DHX58: variants seen among roughly 807,000 people sequenced by gnomAD.
The protein encoded by DHX58 is DExH-box helicase 58, also known as ATP-dependent RNA helicase DHX58.
A neutral mutation model predicts 65.0 loss-of-function variants in DHX58; 51 were observed. That is an observed-to-expected ratio of 0.78 (90% confidence interval 0.63 to 0.99). DHX58 has a LOEUF of 0.99. Ranked by LOEUF, DHX58 falls within the 50% of genes least tolerant of loss-of-function variation. The probability of loss-of-function intolerance (pLI) is 0.00; values close to 1 mark genes in which losing one functional copy is unlikely to be tolerated. For missense variants in DHX58, 773 were observed against 891.8 expected (o/e 0.87, Z 1.70); for synonymous variants, 350 against 365.0 (o/e 0.96, Z 0.47).
In DHX58 at chr17:42,109,290, G is replaced by C; in HGVS notation, c.658C>G (p.Leu220Val). The change falls in exon 6 of 14, where the codon CTC (leucine) becomes GTC (valine). Residue 220 changes from leucine (L) to valine (V), a missense_variant. By Grantham distance (32) the Leu-to-Val change is conservative. Coordinates refer to ENST00000251642, the MANE Select transcript of DHX58 (RefSeq NM_024119.3). ...CGTACCTGGCTGCGCCTGTGGCAGA[G>C]GTTGTACTGTTTGCAAGGCTGTTGG... The part of the protein sequence containing the change: ...HSQQPCKQYN[L>V]CHRRSQDPFG... 6.2e-7 allele frequency: 1 copy of C among 1,613,412 alleles called. No homozygotes were observed. The highest frequency in any genetic ancestry group is 1.3e-5 in the African/African-American group (1 of 75,066).
Position 42,109,499 on chromosome 17 carries a change from C to T in DHX58, c.562-113G>A, listed in dbSNP as rs1031839407. ...ACAGGAGAATGTGGGCATTCGTCTA[C>T]TCAAATATTGCTCGCCCTCTCTGTG... On this transcript the variant is annotated intron_variant, in intron 5 of 13. Coordinates refer to ENST00000251642, the MANE Select transcript of DHX58 (RefSeq NM_024119.3). The T allele has an allele frequency of 1.2e-5, 10 of 833,718 alleles. No homozygotes were observed. In the Admixed American group the frequency reaches 1.5e-4, roughly 12 times the overall value. The allele number at this position is 833,718 out of a possible 1,614,324, so 51.6% of individuals were successfully genotyped here.
chr17:42,111,950 C>T, intron 2 of DHX58, 57 bp from the exon 3 acceptor site: 1 of 1,561,174 alleles, frequency 6.4e-7, no homozygotes, highest in Non-Finnish European at 8.7e-7. Flanking sequence ...CAACTCCTGG[C>T]CAGACCAGTC....
chr17:42,105,826 G>C lies in DHX58; in HGVS notation c.1161C>G (p.Leu387=), dbSNP rs1555662524. 1 of 1,613,908 alleles carries C rather than the reference G, an allele frequency of 6.2e-7. No homozygotes were observed. The highest frequency in any genetic ancestry group is 8.5e-7 in the Non-Finnish European group (1 of 1,179,924). ...RQSAHSLLLW[L]QQQQGLQTVD... ...CAGTCTGCAGGCCCTGCTGCTGCTG[G>C]AGCCAGAGCAGGAGGGAGTGTGCGC... Residue 387 remains leucine, a synonymous_variant, in exon 9 of 14, where the codon CTC becomes CTG. Coordinates refer to ENST00000251642, the MANE Select transcript of DHX58 (RefSeq NM_024119.3).
Position 42,108,735 on chromosome 17 carries a change from C to T in DHX58, c.678+535G>A, listed in dbSNP as rs754818229. Among the ~76,000 whole-genome samples, 11 of 152,050 alleles carry T rather than the reference C, an allele frequency of 7.2e-5. No homozygotes were observed. The East Asian group carries it at 7.7e-4, about 11-fold the overall frequency. ...GTGGGGGCAGCAGGAGCCACAGGGCCGGAGCAGACAGCCCAGATAAAGGTG... is the reference window on the plus strand; with the variant it reads ...GTGGGGGCAGCAGGAGCCACAGGGCTGGAGCAGACAGCCCAGATAAAGGTG... On this transcript the variant is annotated intron_variant, in intron 6 of 13. Coordinates refer to ENST00000251642, the MANE Select transcript of DHX58 (RefSeq NM_024119.3).
chr17:42,103,792 C>T lies in DHX58; in HGVS notation c.1570G>A (p.Asp524Asn), dbSNP rs1555662023. 1.2e-6 allele frequency: 2 copies of T among 1,605,300 alleles called. No homozygotes were observed. Among genetic ancestry groups the T allele is most frequent in the South Asian group, 2.2e-5 (2 of 90,982 alleles). The change falls in exon 12 of 14, where the codon GAT becomes AAT. Residue 524 changes from aspartate to asparagine, a missense_variant. Coordinates refer to ENST00000251642, the MANE Select transcript of DHX58 (RefSeq NM_024119.3). ...DQAEYQAKIR[D>N]LQQAALTKRA... Reference sequence around the variant, plus strand: ...TTGGTCAAGGCTGCCTGCTGCAGATCCCGGATCTGGGGTGGGAGGAGACAC... The same window carrying T: ...TTGGTCAAGGCTGCCTGCTGCAGATTCCGGATCTGGGGTGGGAGGAGACAC...
chr17:42,103,508 C>G lies in DHX58; in HGVS notation c.1754+100G>C, dbSNP rs782548173. 9.8e-6 allele frequency: 14 copies of G among 1,422,482 alleles called. No individual in the cohort carries two copies. In the African/African-American group the frequency reaches 2.0e-4, roughly 20 times the overall value. 88.1% of individuals were successfully genotyped at this position (1,422,482 alleles called of 1,614,324 possible). A position where few individuals can be genotyped will look rare whatever the true frequency, so the allele number is the denominator to read the frequency against. On this transcript the variant is annotated intron_variant, in intron 12 of 13. Coordinates refer to ENST00000251642, the MANE Select transcript of DHX58 (RefSeq NM_024119.3). Reference sequence around the variant, plus strand: ...CAGATTATTGTGAAAATGCAAAGTACTTGCTACAATGCTCTTTAGCTTCCC... The same window carrying G: ...CAGATTATTGTGAAAATGCAAAGTAGTTGCTACAATGCTCTTTAGCTTCCC...
chr17:42,107,361 G>A (rs1431911617), intron 8 of DHX58, among the ~76,000 whole-genome samples: 3 of 118,494 alleles, frequency 2.5e-5, no homozygotes, highest in Admixed American at 7.4e-5. Context: ...GCAAGACCCC[G>A]ACTATTAAAA....
At position 42,107,606 on chromosome 17, in the gene DHX58, T is replaced by C. The variant is rs1555662994; in HGVS notation, c.995A>G (p.Asp332Gly). The C allele has an allele frequency of 2.5e-6, 2 of 793,870 alleles. No individual in the cohort carries two copies. The highest frequency in any genetic ancestry group is 1.8e-5 in the African/African-American group (1 of 55,150). The allele number at this position is 793,870 out of a possible 1,614,324, so 49.2% of individuals were successfully genotyped here. A position where few individuals can be genotyped will look rare whatever the true frequency, so the allele number is the denominator to read the frequency against. Reference protein sequence around the residue: ...CAERRLLALFDDRKNELAHLA... With the variant: ...CAERRLLALFGDRKNELAHLA... The stretch of plus-strand genomic sequence containing the variant: ...CGAAGCCCCCTCCCGCCCCTCACCA[T>C]CGAACAGGGCCAGCAGCCGGCGCTC... The change falls in exon 8 of 14, where the codon GAT (aspartate) becomes GGT (glycine). Residue 332 changes from aspartate (D) to glycine (G), a missense_variant and splice_region_variant. Physicochemically the swap from Asp to Gly is moderately conservative, Grantham distance 94 (BLOSUM62 -1). Coordinates refer to ENST00000251642, the MANE Select transcript of DHX58 (RefSeq NM_024119.3).
intron 8 of DHX58, among the ~76,000 whole-genome samples, chr17:42,107,033 T>A (rs1051314510): frequency 1.3e-5 from 2 of 151,962 alleles, no homozygotes; most frequent in Non-Finnish European, 2.9e-5. Context: ...AGCTTCACTC[T>A]CTCAGTCTAA....
chr17:42,104,060 C>T (rs1177351697), intron 11 of DHX58, among the ~76,000 whole-genome samples: 1 of 152,074 alleles, frequency 6.6e-6, no homozygotes, highest in Non-Finnish European at 1.5e-5. Flanking sequence ...CCCATCTCTA[C>T]TGAAAATACA....
intron 4 of DHX58, 49 bp from the exon 5 acceptor site, chr17:42,110,962 C>T (rs896443827): frequency 1.7e-5 from 26 of 1,526,540 alleles, no homozygotes; most frequent in Non-Finnish European, 2.3e-5. Flanking sequence ...AAAGCCCTTC[C>T]TCCCATCAGC....
In DHX58 at chr17:42,111,569, C is replaced by T. The variant is rs112101539; in HGVS notation, c.169-72G>A. On this transcript the variant is annotated intron_variant, in intron 3 of 13. Transcript: ENST00000251642. Reference sequence around the variant, plus strand: ...AGGGGTAGGGAGGCGGTAAGGTGACCCGCAGGACATGGCTGGGTACTGAGC... The same window carrying T: ...AGGGGTAGGGAGGCGGTAAGGTGACTCGCAGGACATGGCTGGGTACTGAGC... 1,515 of 1,596,508 alleles carry T rather than the reference C, an allele frequency of 9.5e-4. 7 individuals are homozygous for T. Among genetic ancestry groups the T allele is most frequent in the African/African-American group, 8.1e-3 (603 of 74,866 alleles).
Position 42,108,035 on chromosome 17 carries a change from C to T in DHX58, c.752G>A (p.Arg251Gln), listed in dbSNP as rs1555663196. The T allele has an allele frequency of 1.9e-6, 3 of 1,614,238 alleles. No homozygotes were observed. The highest frequency in any genetic ancestry group is 1.7e-5 in the Admixed American group (1 of 60,032). The change falls in exon 7 of 14, where the codon CGG (arginine) becomes CAG (glutamine). Residue 251 changes from arginine (R) to glutamine (Q), a missense_variant. Coordinates refer to ENST00000251642, the MANE Select transcript of DHX58 (RefSeq NM_024119.3). The stretch of plus-strand genomic sequence containing the variant: ...CTCATACATTTGCGTCCCAAATTTC[C>T]GGCTCAACTCAGGCATCTCCAGGTG... ...HDHLEMPELS[R>Q]KFGTQMYEQQ...
intron 11 of DHX58, among the ~76,000 whole-genome samples, chr17:42,104,049 C>A (rs573521383): frequency 6.6e-6 from 1 of 152,236 alleles, no homozygotes; most frequent in African/African-American, 2.4e-5. Context: ...CATGGTGAAA[C>A]CCCATCTCTA....
Position 42,108,684 on chromosome 17 carries a change from G to C in DHX58, c.679-576C>G, listed in dbSNP as rs536056262. ...TGCTGACCCTGACAGAGCTGGCCTT[G>C]CCGGCCAGGGAGAGCAGCTGCAGGC... is the stretch of plus-strand genomic sequence containing the variant. On this transcript the variant is annotated intron_variant, in intron 6 of 13. Coordinates refer to ENST00000251642, the MANE Select transcript of DHX58 (RefSeq NM_024119.3). 1.1e-4 allele frequency among the ~76,000 whole-genome samples: 16 copies of C among 152,366 alleles called. No homozygotes were observed. In the East Asian group the frequency reaches 2.9e-3, roughly 28 times the overall value.
At chr17:42,108,247 G>T in intron 6 of DHX58, 139 bp from the exon 7 acceptor site, 2 of 1,349,830 alleles carry the variant, frequency 1.5e-6, no homozygotes. Context: ...CCAGAGGGAG[G>T]CCGGCTAGGG....
In DHX58 at chr17:42,103,608, G is replaced by A. The variant is rs782671059; in HGVS notation, c.1754C>T (p.Ser585Leu). ...THHVNVNPNF[S>L]NYYNVSRDPV... is the part of the protein sequence containing the mutation. ...CAGTAGCCCCTTCCACAGGTCTCAC[G>A]AGAAGTTGGGGTTCACATTGACATG... is the stretch of plus-strand genomic sequence containing the variant. Residue 585 changes from serine (S) to leucine (L), a missense_variant and splice_region_variant, in exon 12 of 14, where the codon TCG becomes TTG. By Grantham distance (145) the Ser-to-Leu change is moderately radical. Coordinates refer to ENST00000251642, the MANE Select transcript of DHX58 (RefSeq NM_024119.3). 3.1e-6 allele frequency: 5 copies of A among 1,613,834 alleles called. No individual in the cohort carries two copies. The highest frequency in any genetic ancestry group is 2.7e-5 in the African/African-American group (2 of 74,928).
Position 42,111,480 on chromosome 17 carries a change from C to G in DHX58, c.186G>C (p.Gln62His), listed in dbSNP as rs782612886. Residue 62 changes from glutamine (Q) to histidine (H), a missense_variant, in exon 4 of 14, where the codon CAG becomes CAC. By Grantham distance (24) the Gln-to-His change is conservative. Transcript: ENST00000251642. ...VLVNRVHLVT[Q>H]HGEEFRRMLD... ...GCATGCGCCTGAACTCTTCACCATG[C>G]TGGGTCACCAGGTGCACCTGGGGGT... is the stretch of plus-strand genomic sequence containing the variant. 7 of 1,613,900 alleles carry G rather than the reference C, an allele frequency of 4.3e-6. No individual in the cohort carries two copies. Among genetic ancestry groups the G allele is most frequent in the Non-Finnish European group, 4.2e-6 (5 of 1,180,002 alleles).
Position 42,111,845 on chromosome 17 carries a change from C to T in DHX58, c.48G>A (p.Glu16=), listed in dbSNP as rs145557592. ...GCAGCCAGATGATGATATTCTTGCC[C>T]TCCAGGGCAGGCATGATCACCTCCC... ...YQWEVIMPAL[E]GKNIIIWLPT... The change falls in exon 3 of 14, where the codon GAG becomes GAA. Residue 16 remains glutamate (E), a synonymous_variant. Transcript: ENST00000251642. The T allele has an allele frequency of 3.3e-5, 54 of 1,613,846 alleles. 1 individual carries two copies. The highest frequency in any genetic ancestry group is 1.9e-5 in the Non-Finnish European group (23 of 1,179,928).
Sources: allele counts gnomAD v4.1 joint callset (sites outside exome capture counted in the v4.1 genomes callset), GRCh38; gene constraint gnomAD v4.1.1; transcripts MANE v1.5; gene names NCBI Gene and HGNC (gene_info 2026-07-23, HGNC 2026-07-21).